The following ADAMTS17 variants were observed in gnomAD, a reference collection of about 807,000 sequenced individuals.
ADAMTS17 encodes the protein A disintegrin and metalloproteinase with thrombospondin motifs 17.
ADAMTS17 carries 113 observed loss-of-function variants against 141.5 expected under a neutral mutation model. The ratio of observed to expected loss-of-function variants is 0.80; its 90% CI spans 0.69 to 0.93. The LOEUF (loss-of-function observed/expected upper bound fraction) is 0.93, where lower values mean the gene tolerates loss of function less well. Ranked by LOEUF, ADAMTS17 falls within the 40% of genes least tolerant of loss-of-function variation. ADAMTS17 has a pLI of 0.00. For synonymous variants in ADAMTS17, 768 were observed against 630.6 expected (o/e 1.22, Z -3.27); for missense variants, 1,659 against 1,517.9 (o/e 1.09, Z -1.54).
chr15:100,176,001 C>G (rs368691376), intron 8 of ADAMTS17, among the ~76,000 whole-genome samples: 1 of 152,206 alleles, frequency 6.6e-6, no homozygotes. Flanking sequence ...AACCCCTAGA[C>G]CATGGCCTGC....
At chr15:100,088,474 A>G (rs1200944154) in intron 15 of ADAMTS17, among the ~76,000 whole-genome samples, 1 of 152,232 alleles carries the variant, frequency 6.6e-6, no homozygotes, top group Non-Finnish European at 1.5e-5. Context: ...TCTTCACAGA[A>G]TTGGAAAAAA....
chr15:100,333,398 C>T (rs997784779), intron 2 of ADAMTS17, among the ~76,000 whole-genome samples: 2 of 152,182 alleles, frequency 1.3e-5, no homozygotes, highest in Admixed American at 1.3e-4. Context: ...TGGGGAGCTT[C>T]GAAAACTCCT....
chr15:100,218,499 T>C (rs1567373940), intron 7 of ADAMTS17, among the ~76,000 whole-genome samples: 1 of 152,178 alleles, frequency 6.6e-6, no homozygotes. Context: ...CATCAGCCAT[T>C]AGAGAAAGGC....
chr15:100,116,149 A>AAAAAAC (rs1555454311), intron 13 of ADAMTS17, among the ~76,000 whole-genome samples: 2 of 149,332 alleles, frequency 1.3e-5, no homozygotes, highest in African/African-American at 5.1e-5. Flanking sequence ...AAAAAAAAAA[A>AAAAAAC]AAAAAAAAAC....
chr15:100,200,541 G>A (rs1337270177), intron 7 of ADAMTS17, among the ~76,000 whole-genome samples: 4 of 152,128 alleles, frequency 2.6e-5, no homozygotes, highest in African/African-American at 4.8e-5. Flanking sequence ...CCTGACATCC[G>A]CCCTCCCGTG....
At chr15:100,141,559 C>G (rs2038654932) in intron 10 of ADAMTS17, among the ~76,000 whole-genome samples, 1 of 151,884 alleles carries the variant, frequency 6.6e-6, no homozygotes, top group Non-Finnish European at 1.5e-5. Context: ...GTGAAGTCTT[C>G]CCCGGGCCAG....
intron 18 of ADAMTS17, among the ~76,000 whole-genome samples, chr15:100,021,307 G>A (rs1422799744): frequency 6.6e-6 from 1 of 152,120 alleles, no homozygotes; most frequent in African/African-American, 2.4e-5. Context: ...CAGACATGCA[G>A]GGTTAGGATC....
At chr15:100,321,363 C>T (rs1467174143) in intron 3 of ADAMTS17, among the ~76,000 whole-genome samples, 1 of 152,060 alleles carries the variant, frequency 6.6e-6, no homozygotes, top group Non-Finnish European at 1.5e-5. Flanking sequence ...TCTAGCAATA[C>T]TAGAAACATG....
chr15:100,225,368 G>T (rs539903873), intron 7 of ADAMTS17, among the ~76,000 whole-genome samples: 1 of 152,402 alleles, frequency 6.6e-6, no homozygotes, highest in East Asian at 1.9e-4. Context: ...AGGGGACAAA[G>T]GGGACTTGGG....
rs368000887 is a variant in ADAMTS17, at chr15:100,300,431, T to C, written c.617-19030A>G. On this transcript the variant is annotated intron_variant, in intron 3 of 21. Coordinates refer to ENST00000268070, the MANE Select transcript of ADAMTS17 (RefSeq NM_139057.4). ...CCAGAAAATGCAGTCACCTGAGCCA[T>C]GGTCCTTCTGACCCACAGTGATATG... Among the ~76,000 whole-genome samples, 22 of 152,302 alleles carry C rather than the reference T, an allele frequency of 1.4e-4. No homozygotes were observed. In the East Asian group the frequency reaches 4.1e-3, roughly 28 times the overall value.
chr15:100,070,578 A>G (rs1289296225), intron 15 of ADAMTS17, among the ~76,000 whole-genome samples: 1 of 150,226 alleles, frequency 6.7e-6, no homozygotes, highest in East Asian at 1.9e-4. Flanking sequence ...AGAACTCAGG[A>G]TTAAGAAACT....
At chr15:100,210,481 C>T (rs1420287632) in intron 7 of ADAMTS17, among the ~76,000 whole-genome samples, 3 of 152,056 alleles carry the variant, frequency 2.0e-5, no homozygotes, top group African/African-American at 7.2e-5. Context: ...ACAACTCATC[C>T]GAGGTCAAAC....
At chr15:100,102,244 C>A (rs1264464651) in intron 14 of ADAMTS17, among the ~76,000 whole-genome samples, 1 of 152,136 alleles carries the variant, frequency 6.6e-6, no homozygotes, top group Non-Finnish European at 1.5e-5. Context: ...GTCTGGTTGC[C>A]CACTCGTATT....
At chr15:100,181,098 C>G (rs1243951083) in intron 8 of ADAMTS17, among the ~76,000 whole-genome samples, 2 of 152,214 alleles carry the variant, frequency 1.3e-5, no homozygotes, top group Non-Finnish European at 1.5e-5. Flanking sequence ...CCACCGCCAC[C>G]ACACAAGGCC....
chr15:100,109,226 G>A (rs1276451248), intron 13 of ADAMTS17, 110 bp from the exon 14 acceptor site: 1 of 1,225,690 alleles, frequency 8.2e-7, no homozygotes, highest in Non-Finnish European at 1.1e-6. Context: ...GGTCCGCACA[G>A]GTCAGTAAAG....
chr15:100,079,285 A>G (rs2034579176), intron 15 of ADAMTS17, among the ~76,000 whole-genome samples: 1 of 152,272 alleles, frequency 6.6e-6, no homozygotes, highest in African/African-American at 2.4e-5. Context: ...CAGCCAAAAA[A>G]GTGGAAACAA....
chr15:100,170,220 T>A (rs992381977), intron 8 of ADAMTS17, among the ~76,000 whole-genome samples: 1 of 152,140 alleles, frequency 6.6e-6, no homozygotes, highest in Non-Finnish European at 1.5e-5. Flanking sequence ...TACCTTAAAC[T>A]TTTGTACATT....
At chr15:100,069,861 T>C (rs2033843027) in intron 15 of ADAMTS17, among the ~76,000 whole-genome samples, 1 of 150,300 alleles carries the variant, frequency 6.7e-6, no homozygotes, top group Non-Finnish European at 1.5e-5. Context: ...CCAGTTAACA[T>C]CATAATGACA....
At chr15:100,223,862 T>C (rs921651678) in intron 7 of ADAMTS17, among the ~76,000 whole-genome samples, 1 of 151,966 alleles carries the variant, frequency 6.6e-6, no homozygotes, top group Admixed American at 6.6e-5. Context: ...TATTAACTTA[T>C]ACATTCACAA....
Sources: gnomAD v4.1 joint callset for allele counts (sites outside exome capture counted in the v4.1 genomes callset) on GRCh38, gnomAD v4.1.1 for gene constraint, MANE v1.5 for transcripts, NCBI Gene and HGNC (gene_info 2026-07-23, HGNC 2026-07-21) for gene names.